CCDC22: variants seen among roughly 807,000 people sequenced by gnomAD.
The protein encoded by CCDC22 is CCC complex scaffolding subunit CCDC22.
A neutral mutation model predicts 53.1 loss-of-function variants in CCDC22; 4 were observed. The ratio of observed to expected loss-of-function variants is 0.08; its 90% CI spans 0.04 to 0.17. CCDC22 has a LOEUF of 0.17. CCDC22 is among the 10% of genes least tolerant of loss of function. CCDC22 has a pLI of 1.00. For synonymous variants in CCDC22, 222 were observed against 224.4 expected, an observed-to-expected ratio of 0.99 and a Z score of 0.10; for missense variants, 458 against 554.0, an observed-to-expected ratio of 0.83 and a Z score of 1.74.
intron 6 of CCDC22, among the ~76,000 whole-genome samples, chrX:49,245,967 GTTTTGTTTT>G (rs1407102464): frequency 0.015 from 996 of 65,723 alleles, 4 homozygotes; most frequent in Non-Finnish European, 0.033. Context: ...GTTTTGTTTT[GTTTTGTTTT>G]TTTTTTGTTT....
In CCDC22 at chrX:49,246,824, C is replaced by T. The variant is rs782358712; in HGVS notation, c.808C>T (p.Arg270Trp). The stretch of plus-strand genomic sequence containing the variant: ...CCTGCTTGGGGCCCCCATACAAGCC[C>T]GGGACCTGGGAGAACTGCTGCAGGC... The part of the protein sequence containing the change: ...WGLLGAPIQA[R>W]DLGELLQAWG... Residue 270 changes from arginine to tryptophan, a missense_variant, in exon 7 of 17, where the codon CGG (arginine) becomes TGG (tryptophan). Transcript: ENST00000376227. The T allele has an allele frequency of 3.8e-5, 45 of 1,199,315 alleles. No homozygotes were observed. The African/African-American group carries it at 5.4e-4, about 14-fold the overall frequency.
At chrX:49,248,365 T>A in intron 10 of CCDC22, 42 bp from the exon 11 acceptor site, 1 of 1,184,696 alleles carries the variant, frequency 8.4e-7, no homozygotes, top group Non-Finnish European at 1.1e-6. Context: ...GGGGTGGGGT[T>A]GGAGGGCCCA....
chrX:49,249,615 G>T (rs1569529462), intron 15 of CCDC22, 36 bp from the exon 16 acceptor site: 4 of 406,796 alleles, frequency 9.8e-6, no homozygotes, highest in Non-Finnish European at 9.0e-6. Flanking sequence ...GGGTGGGTGG[G>T]ACTGGGTGCA....
rs1557115291 is a variant in CCDC22, at chrX:49,250,511, T to C, written c.*250T>C. ...CCTTGGATCCCAAATAAATGAGTAG[T>C]TCCTCTGCAGTCTAAGCTGAGGCAT... On this transcript the variant is annotated 3_prime_UTR_variant, in exon 17 of 17. Coordinates refer to ENST00000376227, the MANE Select transcript of CCDC22 (RefSeq NM_014008.5). 2.2e-6 allele frequency: 1 copy of C among 460,071 alleles called. No individual in the cohort carries two copies. The highest frequency in any genetic ancestry group is 4.0e-6 in the Non-Finnish European group (1 of 252,914). 37.9% of individuals were successfully genotyped at this position (460,071 alleles called of 1,213,427 possible). A position where few individuals can be genotyped will look rare whatever the true frequency, so the allele number is the denominator to read the frequency against.
In CCDC22 at chrX:49,248,685, G is replaced by A. The variant is rs149294730; in HGVS notation, c.1382G>A (p.Arg461Gln). Residue 461 changes from arginine (R) to glutamine (Q), a missense_variant, in exon 12 of 17, where the codon CGG (arginine) becomes CAG (glutamine). Arg to Gln is a conservative substitution (Grantham distance 43, BLOSUM62 1). This residue lies in a region of CCDC22 where 309 missense variants were observed against 312.3 expected (regional missense o/e 0.99). Transcript: ENST00000376227. ...ATCCAAGAACTGCACCAGAGTGTCC[G>A]GGCGGCTGCTGAAGAGGCCCGCAGG... ...AEIQELHQSV[R>Q]AAAEEARRKE... 9.9e-6 allele frequency: 12 copies of A among 1,208,758 alleles called. No homozygotes were observed. The highest frequency in any genetic ancestry group is 8.8e-5 in the South Asian group (5 of 56,658).
chrX:49,247,325 G>A (rs1602673721), intron 7 of CCDC22, among the ~76,000 whole-genome samples, 171 bp from the exon 8 acceptor site: 1 of 112,725 alleles, frequency 8.9e-6, no homozygotes, highest in East Asian at 2.8e-4. Context: ...AAGCACTCTG[G>A]CCCGAGGTTG....
intron 3 of CCDC22, among the ~76,000 whole-genome samples, chrX:49,242,662 A>G (rs2065969708): frequency 9.0e-6 from 1 of 111,132 alleles, no homozygotes; most frequent in Admixed American, 9.5e-5. Flanking sequence ...CCCTGAGGGC[A>G]GGGACCTTTA....
At chrX:49,247,867 G>C (rs781931162) in intron 9 of CCDC22, 99 bp downstream of exon 9, 1 of 1,022,281 alleles carries the variant, frequency 9.8e-7, no homozygotes, top group South Asian at 2.2e-5. Flanking sequence ...GTAGAGGTCT[G>C]CACATGGCAG....
At chrX:49,247,801 T>G (rs1557114530) in intron 9 of CCDC22, 33 bp downstream of exon 9, 1 of 1,206,277 alleles carries the variant, frequency 8.3e-7, no homozygotes, top group East Asian at 3.0e-5. Context: ...CGCGTTGGGC[T>G]AGGTCAGAAG....
chrX:49,247,145 G>A (rs2065994760), intron 7 of CCDC22: 1 of 438,957 alleles, frequency 2.3e-6, no homozygotes, highest in Non-Finnish European at 4.0e-6. Context: ...AGGTGTGGGG[G>A]TGTTCTTGGG....
Position 49,237,110 on chromosome X carries a change from C to G in CCDC22, c.75C>G (p.Thr25=). ...GGGCAGTTCCTCCAGATGTGCAGAC[C>G]TTGCGCGCCTTCACCACTGAGCTGG... is the stretch of plus-strand genomic sequence containing the variant. ...AGTAVPPDVQ[T]LRAFTTELVV... is the part of the protein sequence containing the mutation. The change falls in exon 2 of 17, where the codon ACC becomes ACG. Residue 25 remains threonine (T), a synonymous_variant. Coordinates refer to ENST00000376227, the MANE Select transcript of CCDC22 (RefSeq NM_014008.5). 2.5e-6 allele frequency: 3 copies of G among 1,211,201 alleles called. No individual in the cohort carries two copies. The highest frequency in any genetic ancestry group is 3.4e-6 in the Non-Finnish European group (3 of 894,940).
At chrX:49,246,465 C>T (rs1315034146) in intron 6 of CCDC22, among the ~76,000 whole-genome samples, 1 of 111,698 alleles carries the variant, frequency 9.0e-6, no homozygotes, top group Non-Finnish European at 1.9e-5. Flanking sequence ...TCTAGGCCCA[C>T]CCCCCTCTCT....
At chrX:49,237,058 C>T (rs782598763) in intron 1 of CCDC22, 28 bp from the exon 2 acceptor site, 11 of 1,190,648 alleles carry the variant, frequency 9.2e-6, no homozygotes, top group African/African-American at 3.5e-5. Flanking sequence ...CTGACTATTC[C>T]TGCGATCAAG....
In CCDC22 at chrX:49,249,108, CTCCA is replaced by C; in HGVS notation, c.1540-58_1540-55del. On this transcript the variant is annotated intron_variant, in intron 13 of 16. Transcript: ENST00000376227. ...TCCCTGTCTGGTACACATGAGGACC[CTCCA>C]CTGCTAGCCAGCCTGCCCCAGGCAG... 3.5e-6 allele frequency: 4 copies of C among 1,141,189 alleles called. No homozygotes were observed. The South Asian group carries it at 7.5e-5, about 21-fold the overall frequency. The allele number at this position is 1,141,189 out of a possible 1,213,427, so 94.0% of individuals were successfully genotyped here.
intron 2 of CCDC22, 53 bp from the exon 3 acceptor site, chrX:49,241,963 C>G: frequency 8.4e-7 from 1 of 1,195,990 alleles, no homozygotes; most frequent in Non-Finnish European, 1.1e-6. Flanking sequence ...GCCCAAGTCT[C>G]CCAGGGCAGG....
chrX:49,239,189 C>A (rs1473876680), intron 2 of CCDC22, among the ~76,000 whole-genome samples: 1 of 111,289 alleles, frequency 9.0e-6, no homozygotes, highest in African/African-American at 3.3e-5. Flanking sequence ...CCATCTTGGC[C>A]AGGCTGGTCT....
chrX:49,236,958 G>A (rs887485159), intron 1 of CCDC22, 128 bp from the exon 2 acceptor site: 7 of 466,224 alleles, frequency 1.5e-5, no homozygotes, highest in African/African-American at 1.5e-4. Context: ...CCAACATCCA[G>A]GATCTGTCTG....
In CCDC22 at chrX:49,237,297, T is replaced by C. The variant is rs190664937; in HGVS notation, c.228+34T>C. On this transcript the variant is annotated intron_variant, in intron 2 of 16. Transcript: ENST00000376227. ...CCCTCCTCCTAATGCACACATCCTC[T>C]TTCTTCCTCTTTTACAAAGTAACCA... 73 of 1,141,724 alleles carry C rather than the reference T, an allele frequency of 6.4e-5. No homozygotes were observed. The African/African-American group carries it at 1.2e-3, about 19-fold the overall frequency. 94.1% of individuals were successfully genotyped at this position (1,141,724 alleles called of 1,213,427 possible).
chrX:49,249,615 GACT>G, intron 15 of CCDC22, 33 bp from the exon 16 acceptor site: 3 of 406,744 alleles, frequency 7.4e-6, no homozygotes, highest in Admixed American at 5.4e-5. Context: ...GGGTGGGTGG[GACT>G]GGGTGCAAGC....
Sources: gnomAD v4.1 joint callset for allele counts (sites outside exome capture counted in the v4.1 genomes callset) on GRCh38, gnomAD v4.1.1 for gene constraint, gnomAD v4.1.1 regional missense constraint, MANE v1.5 for transcripts, NCBI Gene and HGNC (gene_info 2026-07-23, HGNC 2026-07-21) for gene names.